MRE11: variants seen among roughly 807,000 people sequenced by gnomAD.
The protein encoded by MRE11 is double-strand break repair protein MRE11.
A neutral mutation model predicts 91.7 loss-of-function variants in MRE11; 62 were observed. That is an observed-to-expected ratio of 0.68 (90% confidence interval 0.55 to 0.84). The LOEUF is 0.84. MRE11 is among the 40% of genes least tolerant of loss of function. MRE11 has a pLI of 0.00. For synonymous variants in MRE11, 273 were observed against 271.4 expected (o/e 1.01, Z -0.06); for missense variants, 796 against 852.9 (o/e 0.93, Z 0.83).
At chr11:94,483,288 A>AC (rs1451662834) in intron 4 of MRE11, among the ~76,000 whole-genome samples, 2 of 152,150 alleles carry the variant, frequency 1.3e-5, no homozygotes, top group East Asian at 3.9e-4. Context: ...ACACAGTGAG[A>AC]CCCCATCTCT....
At chr11:94,473,567 T>A (rs1946771572) in intron 7 of MRE11, 1 of 152,122 alleles carries the variant, frequency 6.6e-6, no homozygotes, top group Non-Finnish European at 1.5e-5. Context: ...ACCTTCTTTG[T>A]TTTAAATATG....
chr11:94,491,597 C>T (rs1236400238), intron 2 of MRE11, among the ~76,000 whole-genome samples: 1 of 152,090 alleles, frequency 6.6e-6, no homozygotes, highest in East Asian at 1.9e-4. Context: ...TTTTTATGAT[C>T]TCATCTCAAC....
intron 7 of MRE11, 79 bp downstream of exon 7, chr11:94,476,210 T>C (rs13447622): frequency 1.2e-6 from 1 of 867,448 alleles, no homozygotes; most frequent in Non-Finnish European, 2.0e-6. Flanking sequence ...TAAGGGCATT[T>C]CACTAAAATA....
rs771662047 is a variant in MRE11, at chr11:94,470,494, T to C, written c.994A>G (p.Ile332Val). ...ACCTTCTCCAAACAGAAGCTTTGTATGGCTTGGGTTACTTTAGGATTATCT... is the reference window on the plus strand; with the variant it reads ...ACCTTCTCCAAACAGAAGCTTTGTACGGCTTGGGTTACTTTAGGATTATCT... ...NPDNPKVTQA[I>V]QSFCLEKIEE... The change falls in exon 9 of 20, where the codon ATA becomes GTA. Residue 332 changes from isoleucine to valine, a missense_variant. Ile to Val is a conservative substitution (Grantham distance 29). Coordinates refer to ENST00000323929, the MANE Select transcript of MRE11 (RefSeq NM_005591.4). 4 of 1,612,950 alleles carry C rather than the reference T, an allele frequency of 2.5e-6. No homozygotes were observed. The highest frequency in any genetic ancestry group is 2.2e-5 in the East Asian group (1 of 44,840).
At chr11:94,497,851 C>T (rs542537033), upstream of MRE11, 4 of 472,684 alleles carry the variant, frequency 8.5e-6, no homozygotes, top group South Asian at 1.1e-4. Flanking sequence ...GAATCTCATT[C>T]TTAGAAGCAA....
At chr11:94,425,508 C>G (rs1225981646) in intron 19 of MRE11, among the ~76,000 whole-genome samples, 4 of 152,164 alleles carry the variant, frequency 2.6e-5, no homozygotes, top group Admixed American at 2.6e-4. Context: ...AATACTAACT[C>G]TGAATATAAA....
chr11:94,470,564 G>A lies in MRE11; in HGVS notation c.924C>T (p.Phe308=), dbSNP rs138595973. The change falls in exon 9 of 20, where the codon TTC becomes TTT. Residue 308 remains phenylalanine (F), a synonymous_variant. Coordinates refer to ENST00000323929, the MANE Select transcript of MRE11 (RefSeq NM_005591.4). Reference sequence around the variant, plus strand: ...GATTAGCTAGAACAATATCCTCCATGAAAAACTGCCGCACTGTGTGAAGAG... The same window carrying A: ...GATTAGCTAGAACAATATCCTCCATAAAAAACTGCCGCACTGTGTGAAGAG... ...KIPLHTVRQF[F]MEDIVLANHP... 9.3e-6 allele frequency: 15 copies of A among 1,613,182 alleles called. No homozygotes were observed. In the African/African-American group the frequency reaches 1.1e-4, roughly 11 times the overall value.
chr11:94,498,110 CACGTGA>C (rs1271569869), upstream of MRE11: 1 of 1,613,588 alleles, frequency 6.2e-7, no homozygotes, highest in Non-Finnish European at 8.5e-7. Context: ...AAAGGCCACT[CACGTGA>C]ACACTAGGGA....
chr11:94,445,333 C>T (rs952807221), intron 16 of MRE11, among the ~76,000 whole-genome samples: 5 of 152,308 alleles, frequency 3.3e-5, no homozygotes, highest in Admixed American at 1.3e-4. Context: ...GTTTTTGAGA[C>T]GGAGTCTCTC....
chr11:94,448,547 G>T (rs1381587821), intron 14 of MRE11, among the ~76,000 whole-genome samples: 1 of 152,010 alleles, frequency 6.6e-6, no homozygotes, highest in Admixed American at 6.6e-5. Context: ...GAGGGGAGTT[G>T]TTGCAGTGAG....
intron 5 of MRE11, among the ~76,000 whole-genome samples, chr11:94,479,402 T>G (rs1377138112): frequency 1.3e-5 from 2 of 152,190 alleles, no homozygotes; most frequent in Non-Finnish European, 2.9e-5. Context: ...TGTAAACCAC[T>G]ATACAGATGT....
At chr11:94,446,429 C>A (rs1945933973) in intron 15 of MRE11, among the ~76,000 whole-genome samples, 1 of 151,920 alleles carries the variant, frequency 6.6e-6, no homozygotes, top group Admixed American at 6.6e-5. Flanking sequence ...AATTAAAAAA[C>A]AAAAATAAAA....
chr11:94,444,303 TTGGCA>T (rs968306094), intron 16 of MRE11, among the ~76,000 whole-genome samples: 5 of 152,228 alleles, frequency 3.3e-5, no homozygotes, highest in African/African-American at 1.2e-4. Context: ...TACAGTATCC[TTGGCA>T]TGTTATGGCC....
intron 10 of MRE11, 130 bp from the exon 11 acceptor site, chr11:94,464,369 G>A (rs988352500): frequency 3.1e-5 from 39 of 1,255,384 alleles, no homozygotes; most frequent in Non-Finnish European, 3.9e-5. Flanking sequence ...ATTTTCTACA[G>A]TAGATCATGA....
intron 10 of MRE11, among the ~76,000 whole-genome samples, chr11:94,466,140 A>C (rs897028901): frequency 1.3e-5 from 2 of 152,212 alleles, no homozygotes; most frequent in African/African-American, 4.8e-5. Context: ...GTTCCAGTGA[A>C]ATAAACTCCA....
intron 17 of MRE11, among the ~76,000 whole-genome samples, chr11:94,436,184 T>G (rs1445591039): frequency 1.3e-5 from 2 of 152,232 alleles, no homozygotes; most frequent in African/African-American, 4.8e-5. Flanking sequence ...TAGGCTCATA[T>G]GCAGACCTTA....
intron 14 of MRE11, among the ~76,000 whole-genome samples, chr11:94,454,436 A>G (rs757157089): frequency 6.6e-6 from 1 of 152,182 alleles, no homozygotes; most frequent in Admixed American, 6.5e-5. Context: ...GTTTGTCAGT[A>G]TAAGTAATTT....
intron 10 of MRE11, among the ~76,000 whole-genome samples, chr11:94,465,671 C>A (rs138024284): frequency 6.6e-6 from 1 of 152,182 alleles, no homozygotes; most frequent in Admixed American, 6.5e-5. Flanking sequence ...GCTGGGATTA[C>A]AGGCGTGAGC....
intron 4 of MRE11, chr11:94,483,964 A>G (rs1947074759): frequency 6.6e-6 from 1 of 152,220 alleles, no homozygotes; most frequent in South Asian, 2.1e-4. Context: ...AAGCAACAAT[A>G]CAATAGTAAT....
Sources: gnomAD v4.1 joint callset for allele counts (sites outside exome capture counted in the v4.1 genomes callset) on GRCh38, gnomAD v4.1.1 for gene constraint, MANE v1.5 for transcripts, NCBI Gene and HGNC (gene_info 2026-07-23, HGNC 2026-07-21) for gene names.